FMN1: variants seen among roughly 807,000 people sequenced by gnomAD.
The protein encoded by FMN1 is formin-1.
FMN1 carries 110 observed loss-of-function variants against 132.4 expected under a neutral mutation model. That is an observed-to-expected ratio of 0.83 (90% CI 0.71 to 0.97). FMN1 has a LOEUF of 0.97. Ranked by LOEUF, FMN1 falls within the 50% of genes least tolerant of loss-of-function variation. The pLI, the probability that FMN1 is intolerant of heterozygous loss-of-function variation, is 0.00. For missense variants in FMN1, 1,792 were observed against 1,705.3 expected (o/e 1.05, Z -0.90); for synonymous variants, 722 against 651.7 (o/e 1.11, Z -1.64).
intron 10 of FMN1, among the ~76,000 whole-genome samples, chr15:32,914,738 T>C (rs1163343749): frequency 6.6e-6 from 1 of 152,252 alleles, no homozygotes; most frequent in Non-Finnish European, 1.5e-5. Flanking sequence ...AGCACTATTA[T>C]AGTGACATTG....
chr15:32,867,970 G>T (rs1305136740), intron 16 of FMN1, among the ~76,000 whole-genome samples: 1 of 152,132 alleles, frequency 6.6e-6, no homozygotes, highest in Admixed American at 6.5e-5. Context: ...AGTGAAAGCT[G>T]TTCCATGGGT....
intron 6 of FMN1, among the ~76,000 whole-genome samples, chr15:33,011,413 G>A (rs1030586074): frequency 2.6e-5 from 4 of 151,936 alleles, no homozygotes; most frequent in East Asian, 1.9e-4. Context: ...TAATCTATTA[G>A]AAGTCAATTA....
At chr15:32,977,138 G>A (rs1246578870) in intron 7 of FMN1, among the ~76,000 whole-genome samples, 2 of 152,086 alleles carry the variant, frequency 1.3e-5, no homozygotes, top group Non-Finnish European at 2.9e-5. Context: ...CTCTTACAAT[G>A]CATTTGCATT....
chr15:32,942,100 A>G (rs1261571288), intron 9 of FMN1, among the ~76,000 whole-genome samples: 1 of 152,212 alleles, frequency 6.6e-6, no homozygotes, highest in Non-Finnish European at 1.5e-5. Context: ...CCCCTGCCAC[A>G]TGCCAGGATT....
intron 10 of FMN1, among the ~76,000 whole-genome samples, chr15:32,914,292 G>A (rs539284258): frequency 1.4e-3 from 214 of 152,282 alleles, no homozygotes; most frequent in African/African-American, 4.7e-3. Context: ...CAATAATTAA[G>A]CTAAATTCAT....
At chr15:32,994,350 T>C (rs1347048227) in intron 7 of FMN1, among the ~76,000 whole-genome samples, 4 of 152,044 alleles carry the variant, frequency 2.6e-5, no homozygotes, top group African/African-American at 9.7e-5. Context: ...CAGAGCTACA[T>C]TTCCCACCTC....
intron 5 of FMN1, among the ~76,000 whole-genome samples, chr15:33,077,201 GTT>G (rs935330200): frequency 6.6e-6 from 1 of 151,856 alleles, no homozygotes; most frequent in Non-Finnish European, 1.5e-5. Context: ...GCTAATTTTT[GTT>G]TTGTTTTGTT....
chr15:33,153,198 G>C lies in FMN1; in HGVS notation c.1717C>G (p.Pro573Ala), dbSNP rs1355159393. 2.0e-6 allele frequency: 3 copies of C among 1,535,996 alleles called. No homozygotes were observed. Among genetic ancestry groups the C allele is most frequent in the Non-Finnish European group, 8.7e-7 (1 of 1,146,912 alleles). The stretch of plus-strand genomic sequence containing the variant: ...TCCGTGACCTTTGCAGAGGATGGTG[G>C]CTCCAAGGTGTCAGCAGAGACGCAC... ...SGCVSADTLE[P>A]PSSAKVTETK... Residue 573 changes from proline (P) to alanine (A), a missense_variant, in exon 4 of 21, where the codon CCA (proline) becomes GCA (alanine). Coordinates refer to ENST00000616417, the MANE Select transcript of FMN1 (RefSeq NM_001277313.2).
intron 10 of FMN1, among the ~76,000 whole-genome samples, chr15:32,915,713 A>C (rs2060667999): frequency 6.6e-6 from 1 of 152,248 alleles, no homozygotes; most frequent in Non-Finnish European, 1.5e-5. Context: ...ATGGTGTCAG[A>C]AAGGTGAAGT....
intron 6 of FMN1, among the ~76,000 whole-genome samples, chr15:33,037,403 G>A (rs1027501026): frequency 1.8e-4 from 27 of 152,146 alleles, no homozygotes; most frequent in African/African-American, 5.8e-4. Flanking sequence ...AAATTTTGTC[G>A]GAGAGCCTGT....
intron 4 of FMN1, chr15:33,149,711 G>T: frequency 1.2e-6 from 1 of 862,972 alleles, no homozygotes; most frequent in East Asian, 1.2e-4. Flanking sequence ...ATTAATTTTA[G>T]ATAATTTTCT....
At position 32,769,635 on chromosome 15, in the gene FMN1, C is replaced by A. The variant is rs1448708447; in HGVS notation, c.*4675G>T. The A allele has an allele frequency of 6.7e-6, 1 of 149,328 alleles. No individual in the cohort carries two copies. Among genetic ancestry groups the A allele is most frequent in the African/African-American group, 2.5e-5 (1 of 40,756 alleles). The allele number at this position is 149,328 out of a possible 1,614,324, so 9.3% of individuals were successfully genotyped here. The stretch of plus-strand genomic sequence containing the variant: ...GTTTCCAGGCAGCTGGATTGTTTCT[C>A]TCTATAGCTGGAAAATGGAAATATA... On this transcript the variant is annotated 3_prime_UTR_variant, in exon 21 of 21. Coordinates refer to ENST00000616417, the MANE Select transcript of FMN1 (RefSeq NM_001277313.2).
At chr15:32,774,527 C>T (rs887574867) in intron 20 of FMN1, among the ~76,000 whole-genome samples, 173 bp from the exon 21 acceptor site, 8 of 152,162 alleles carry the variant, frequency 5.3e-5, no homozygotes, top group African/African-American at 1.9e-4. Context: ...CCCTCCCTAC[C>T]TATCACCCTT....
At chr15:32,895,456 C>T (rs1350008267) in intron 15 of FMN1, among the ~76,000 whole-genome samples, 1 of 151,762 alleles carries the variant, frequency 6.6e-6, no homozygotes, top group African/African-American at 2.4e-5. Flanking sequence ...GCTTTATGGG[C>T]AAACAGCTTG....
chr15:32,974,133 G>A (rs932161267), intron 7 of FMN1, among the ~76,000 whole-genome samples: 12 of 152,186 alleles, frequency 7.9e-5, no homozygotes, highest in African/African-American at 2.7e-4. Flanking sequence ...TTGAACATGT[G>A]CTTGTAAGCA....
intron 6 of FMN1, chr15:33,012,068 CTG>C (rs2140964774): frequency 3.1e-6 from 1 of 326,792 alleles, no homozygotes; most frequent in East Asian, 6.5e-5. Context: ...GAAAAGCAAC[CTG>C]TCAGTGGACA....
chr15:33,177,979 G>A (rs898611291), intron 3 of FMN1, among the ~76,000 whole-genome samples: 1 of 152,152 alleles, frequency 6.6e-6, no homozygotes, highest in African/African-American at 2.4e-5. Context: ...TTGGACTCCA[G>A]CGTGGGCAAC....
intron 9 of FMN1, among the ~76,000 whole-genome samples, chr15:32,931,534 G>A (rs893421969): frequency 2.0e-5 from 3 of 152,076 alleles, no homozygotes; most frequent in Non-Finnish European, 2.9e-5. Context: ...ACGAATTTTT[G>A]TTTGTTGATT....
At chr15:32,808,366 TG>T (rs2057754733) in intron 17 of FMN1, among the ~76,000 whole-genome samples, 2 of 152,220 alleles carry the variant, frequency 1.3e-5, no homozygotes, top group Admixed American at 6.5e-5. Context: ...CAAATGGAGA[TG>T]ATGATACCTA....
Sources: gnomAD v4.1 joint callset for allele counts (sites outside exome capture counted in the v4.1 genomes callset) on GRCh38, gnomAD v4.1.1 for gene constraint, MANE v1.5 for transcripts, NCBI Gene and HGNC (gene_info 2026-07-23, HGNC 2026-07-21) for gene names.